CHST11: variants seen among roughly 807,000 people sequenced by gnomAD.
CHST11 encodes the protein carbohydrate sulfotransferase 11.
In CHST11, 9 loss-of-function variants were observed where a neutral mutation model predicts 30.4. The ratio of observed to expected loss-of-function variants is 0.30; its 90% CI spans 0.18 to 0.52. The LOEUF is 0.52. Among genes scored for constraint, CHST11 ranks in the 20% least tolerant of loss-of-function variants. CHST11 has a pLI of 0.97. For synonymous variants in CHST11, 152 were observed against 187.8 expected (o/e 0.81, Z 1.56); for missense variants, 348 against 460.6 (o/e 0.76, Z 2.24).
intron 2 of CHST11, among the ~76,000 whole-genome samples, chr12:104,607,255 C>T (rs979438891): frequency 6.6e-6 from 1 of 152,010 alleles, no homozygotes; most frequent in East Asian, 1.9e-4. Context: ...AAGCTGGGCT[C>T]ATTGATTTCA....
At chr12:104,590,187 G>A (rs2136039022) in intron 1 of CHST11, among the ~76,000 whole-genome samples, 1 of 152,252 alleles carries the variant, frequency 6.6e-6, no homozygotes, top group Non-Finnish European at 1.5e-5. Flanking sequence ...CACGTGCGCT[G>A]TCTATGTGCG....
At chr12:104,682,858 G>A (rs903022971) in intron 2 of CHST11, among the ~76,000 whole-genome samples, 1 of 152,200 alleles carries the variant, frequency 6.6e-6, no homozygotes, top group Non-Finnish European at 1.5e-5. Context: ...CACTGCTCCT[G>A]GCCTTAATGA....
chr12:104,466,914 T>G (rs750745537), intron 1 of CHST11, among the ~76,000 whole-genome samples: 64 of 152,322 alleles, frequency 4.2e-4, no homozygotes, highest in Non-Finnish European at 7.5e-4. Context: ...CCTTTTGACC[T>G]TGTAATGTTG....
chr12:104,480,813 A>G (rs773460430), intron 1 of CHST11, among the ~76,000 whole-genome samples: 5 of 152,188 alleles, frequency 3.3e-5, no homozygotes, highest in South Asian at 2.1e-4. Context: ...GAGGGCATGG[A>G]TGGGCCTGCC....
Position 104,759,647 on chromosome 12 carries a change from C to T in CHST11, c.*1844C>T, listed in dbSNP as rs1389321430. 4 of 152,058 alleles carry T rather than the reference C, an allele frequency of 2.6e-5. No homozygotes were observed. The highest frequency in any genetic ancestry group is 6.6e-5 in the Admixed American group (1 of 15,260). The allele number at this position is 152,058 out of a possible 1,614,324, so 9.4% of individuals were successfully genotyped here. A position where few individuals can be genotyped will look rare whatever the true frequency, so the allele number is the denominator to read the frequency against. ...GTGGGCAGCAGCTGCAACATCTCAC[C>T]GGGGAAATTATTTTATTTAACGTGA... On this transcript the variant is annotated 3_prime_UTR_variant, in exon 3 of 3. Transcript: ENST00000303694.
intron 1 of CHST11, among the ~76,000 whole-genome samples, chr12:104,462,868 T>C (rs1005160325): frequency 2.0e-5 from 3 of 152,188 alleles, no homozygotes; most frequent in Admixed American, 6.5e-5. Context: ...TGGAGCATTT[T>C]CATTGCTGTG....
At chr12:104,472,541 A>G (rs1244175508) in intron 1 of CHST11, among the ~76,000 whole-genome samples, 3 of 152,204 alleles carry the variant, frequency 2.0e-5, no homozygotes, top group Non-Finnish European at 4.4e-5. Flanking sequence ...AACTGTTACT[A>G]GCTCCATTCT....
intron 2 of CHST11, among the ~76,000 whole-genome samples, chr12:104,706,047 C>G (rs556711605): frequency 1.4e-4 from 22 of 152,180 alleles, no homozygotes; most frequent in African/African-American, 5.1e-4. Context: ...GATTGCACCA[C>G]TGCACTCCAG....
At chr12:104,502,735 A>G (rs897030805) in intron 1 of CHST11, among the ~76,000 whole-genome samples, 7 of 152,214 alleles carry the variant, frequency 4.6e-5, no homozygotes, top group Non-Finnish European at 8.8e-5. Flanking sequence ...ATCATCAGGA[A>G]AGAGTTCATG....
chr12:104,513,127 G>GGGC (rs2037983946), intron 1 of CHST11, among the ~76,000 whole-genome samples: 1 of 107,694 alleles, frequency 9.3e-6, no homozygotes, highest in Non-Finnish European at 1.9e-5. Context: ...CATGACTGGG[G>GGGC]GGGGGGGGGG....
At chr12:104,589,785 G>A (rs879884878) in intron 1 of CHST11, among the ~76,000 whole-genome samples, 2 of 152,098 alleles carry the variant, frequency 1.3e-5, no homozygotes, top group South Asian at 2.1e-4. Context: ...TGAGGCAGGC[G>A]GATCACCTGA....
At chr12:104,493,406 C>T (rs886718360) in intron 1 of CHST11, among the ~76,000 whole-genome samples, 1 of 151,402 alleles carries the variant, frequency 6.6e-6, no homozygotes, top group Non-Finnish European at 1.5e-5. Flanking sequence ...CATAGGTGTT[C>T]TTGAAGTACA....
chr12:104,689,998 C>T (rs76222256), intron 2 of CHST11, among the ~76,000 whole-genome samples: 2 of 152,282 alleles, frequency 1.3e-5, no homozygotes, highest in East Asian at 3.9e-4. Flanking sequence ...GGGGATTTTG[C>T]ATGACATTCT....
At chr12:104,609,223 C>A (rs750421850) in intron 2 of CHST11, among the ~76,000 whole-genome samples, 36 of 152,240 alleles carry the variant, frequency 2.4e-4, no homozygotes, top group Non-Finnish European at 3.4e-4. Flanking sequence ...TTCTTTGACT[C>A]AGCATCTGTC....
intron 2 of CHST11, among the ~76,000 whole-genome samples, chr12:104,621,559 A>G (rs150761393): frequency 4.7e-4 from 71 of 152,346 alleles, no homozygotes; most frequent in African/African-American, 1.6e-3. Context: ...AATCATCAGG[A>G]TGATAAGGGA....
chr12:104,760,335 G>T lies in CHST11; in HGVS notation c.*2532G>T, dbSNP rs966590362. ...AGGTACTTTATTTAATGAAGCAATG[G>T]TTCTAATCCTGGATACTGCCACGGA... is the stretch of plus-strand genomic sequence containing the variant. On this transcript the variant is annotated 3_prime_UTR_variant, in exon 3 of 3. Coordinates refer to ENST00000303694, the MANE Select transcript of CHST11 (RefSeq NM_018413.6). The T allele has an allele frequency of 6.6e-6, 1 of 152,102 alleles. No individual in the cohort carries two copies. The highest frequency in any genetic ancestry group is 2.4e-5 in the African/African-American group (1 of 41,406). 9.4% of individuals were successfully genotyped at this position (152,102 alleles called of 1,614,324 possible).
At chr12:104,526,931 G>A (rs190313100) in intron 1 of CHST11, among the ~76,000 whole-genome samples, 101 of 152,272 alleles carry the variant, frequency 6.6e-4, no homozygotes, top group Non-Finnish European at 1.8e-4. Flanking sequence ...CAAGGCCTCC[G>A]TGTTCTCCTC....
chr12:104,664,880 C>T (rs2039628911), intron 2 of CHST11, among the ~76,000 whole-genome samples: 1 of 152,164 alleles, frequency 6.6e-6, no homozygotes. Flanking sequence ...ATTTATGGAA[C>T]TTGCTGTATG....
At chr12:104,475,829 A>G (rs1429044652) in intron 1 of CHST11, among the ~76,000 whole-genome samples, 1 of 145,286 alleles carries the variant, frequency 6.9e-6, no homozygotes, top group African/African-American at 2.5e-5. Context: ...ATGGAAAAAT[A>G]GACCAGAAGG....
Sources: allele counts gnomAD v4.1 joint callset (sites outside exome capture counted in the v4.1 genomes callset), GRCh38; gene constraint gnomAD v4.1.1; transcripts MANE v1.5; gene names NCBI Gene and HGNC (gene_info 2026-07-23, HGNC 2026-07-21).